Variants in ITFG1 observed in about 807,000 individuals in gnomAD.
The protein encoded by ITFG1 is integrin alpha FG-GAP repeat containing 1.
In ITFG1, 34 loss-of-function variants were observed where a neutral mutation model predicts 81.8. The observed-to-expected ratio is 0.42, with a 90% CI of 0.32 to 0.55. ITFG1 has a LOEUF of 0.55. Among genes scored for constraint, ITFG1 ranks in the 20% least tolerant of loss-of-function variants. ITFG1 has a pLI of 0.17. For synonymous variants in ITFG1, 285 were observed against 270.6 expected (o/e 1.05, Z -0.52); for missense variants, 672 against 755.4 (o/e 0.89, Z 1.29).
intron 8 of ITFG1, among the ~76,000 whole-genome samples, chr16:47,330,249 G>A (rs1393728597): frequency 6.6e-6 from 1 of 151,936 alleles, no homozygotes; most frequent in Admixed American, 6.6e-5. Context: ...ATATGCAGAA[G>A]AATGAAACTG....
intron 6 of ITFG1, among the ~76,000 whole-genome samples, chr16:47,400,555 T>C (rs1007649199): frequency 6.6e-6 from 1 of 152,048 alleles, no homozygotes; most frequent in African/African-American, 2.4e-5. Context: ...CAGAGTCACC[T>C]TCCCCAAGAG....
intron 8 of ITFG1, among the ~76,000 whole-genome samples, chr16:47,355,305 C>T (rs558036876): frequency 6.6e-6 from 1 of 152,094 alleles, no homozygotes; most frequent in African/African-American, 2.4e-5. Flanking sequence ...AAATAAATAC[C>T]ATATGAATTC....
chr16:47,327,273 T>A (rs1415138680), intron 8 of ITFG1, among the ~76,000 whole-genome samples: 1 of 152,196 alleles, frequency 6.6e-6, no homozygotes, highest in Admixed American at 6.5e-5. Flanking sequence ...GCTAGCCATA[T>A]ATAGAAAGCT....
chr16:47,343,430 G>C (rs1967810537), intron 8 of ITFG1, among the ~76,000 whole-genome samples: 1 of 152,048 alleles, frequency 6.6e-6, no homozygotes, highest in Non-Finnish European at 1.5e-5. Flanking sequence ...CATCACATCT[G>C]TTTACATAGA....
intron 8 of ITFG1, among the ~76,000 whole-genome samples, chr16:47,316,738 T>C (rs1967365189): frequency 6.6e-6 from 1 of 152,204 alleles, no homozygotes; most frequent in Non-Finnish European, 1.5e-5. Context: ...AGGAATATTT[T>C]ATGTTTTAAT....
intron 5 of ITFG1, among the ~76,000 whole-genome samples, chr16:47,444,687 GAA>G (rs1317257230): frequency 6.6e-6 from 1 of 152,024 alleles, no homozygotes; most frequent in Non-Finnish European, 1.5e-5. Context: ...CTACATTATA[GAA>G]AAAGATACCA....
intron 8 of ITFG1, chr16:47,365,513 C>CTTT (rs1968164923): frequency 3.1e-6 from 1 of 319,084 alleles, no homozygotes; most frequent in Admixed American, 4.4e-5. Context: ...CTGGAATTCT[C>CTTT]TAGAAAAAGT....
chr16:47,282,726 C>A (rs1344839254), intron 10 of ITFG1, among the ~76,000 whole-genome samples: 1 of 152,070 alleles, frequency 6.6e-6, no homozygotes, highest in Non-Finnish European at 1.5e-5. Flanking sequence ...AAATAAGTGG[C>A]CCCTTTTCTC....
At chr16:47,333,815 C>T (rs1371374614) in intron 8 of ITFG1, among the ~76,000 whole-genome samples, 3 of 152,176 alleles carry the variant, frequency 2.0e-5, no homozygotes, top group African/African-American at 7.2e-5. Context: ...AGCAGGAAAA[C>T]AGTCTTCATC....
chr16:47,357,733 T>C (rs917400303), intron 8 of ITFG1, among the ~76,000 whole-genome samples: 1 of 152,144 alleles, frequency 6.6e-6, no homozygotes, highest in Non-Finnish European at 1.5e-5. Flanking sequence ...ATTTATTATA[T>C]GCAAACCTGT....
intron 13 of ITFG1, among the ~76,000 whole-genome samples, chr16:47,224,976 G>A (rs1965740868): frequency 6.6e-6 from 1 of 152,124 alleles, no homozygotes; most frequent in Admixed American, 6.5e-5. Context: ...TCTAGCCTGG[G>A]CAACAGAGTG....
intron 10 of ITFG1, among the ~76,000 whole-genome samples, chr16:47,270,663 A>G (rs1966328625): frequency 6.6e-6 from 1 of 152,248 alleles, no homozygotes; most frequent in East Asian, 1.9e-4. Context: ...TTGCTCATCA[A>G]CGTGTAAATG....
chr16:47,188,416 T>C (rs998547216), intron 14 of ITFG1, among the ~76,000 whole-genome samples: 13 of 150,794 alleles, frequency 8.6e-5, no homozygotes, highest in African/African-American at 1.9e-4. Context: ...ATATACACCA[T>C]GGAATACTAT....
chr16:47,181,306 G>C (rs1041150001), intron 14 of ITFG1, among the ~76,000 whole-genome samples: 29 of 151,008 alleles, frequency 1.9e-4, no homozygotes, highest in Non-Finnish European at 2.1e-4. Context: ...TGTCTGGGAA[G>C]TGAGGAGCGT....
intron 10 of ITFG1, among the ~76,000 whole-genome samples, chr16:47,289,930 AGGT>A: frequency 6.6e-6 from 1 of 152,120 alleles, no homozygotes; most frequent in Non-Finnish European, 1.5e-5. Flanking sequence ...ATGCATTGTT[AGGT>A]GGTTTATTTA....
chr16:47,188,279 C>G (rs1485787633), intron 14 of ITFG1, among the ~76,000 whole-genome samples: 1 of 152,032 alleles, frequency 6.6e-6, no homozygotes, highest in Admixed American at 6.6e-5. Context: ...ACCCAAAGGA[C>G]TATAAATCAT....
intron 13 of ITFG1, among the ~76,000 whole-genome samples, chr16:47,229,104 G>C (rs989025326): frequency 1.3e-5 from 2 of 152,128 alleles, no homozygotes; most frequent in Non-Finnish European, 2.9e-5. Context: ...GGGGAGTAAA[G>C]ACTGAATAAT....
intron 8 of ITFG1, among the ~76,000 whole-genome samples, chr16:47,358,034 C>T (rs1968063552): frequency 6.6e-6 from 1 of 152,132 alleles, no homozygotes; most frequent in Non-Finnish European, 1.5e-5. Flanking sequence ...GTAACTATTG[C>T]ACTGCAATCA....
chr16:47,389,400 T>C (rs1273845644), intron 6 of ITFG1, among the ~76,000 whole-genome samples: 1 of 152,136 alleles, frequency 6.6e-6, no homozygotes, highest in Non-Finnish European at 1.5e-5. Flanking sequence ...GTAATATATT[T>C]GCCAGCAACA....
Sources: allele counts gnomAD v4.1 joint callset (sites outside exome capture counted in the v4.1 genomes callset), GRCh38; gene constraint gnomAD v4.1.1; transcripts MANE v1.5; gene names NCBI Gene and HGNC (gene_info 2026-07-23, HGNC 2026-07-21).